The following FIGNL2 variants were observed in gnomAD, a reference collection of about 807,000 sequenced individuals.
The protein encoded by FIGNL2 is fidgetin like 2, also known as fidgetin-like protein 2.
For missense variants in FIGNL2, 1,060 were observed against 950.2 expected (o/e 1.12, Z -1.52); for synonymous variants, 565 against 484.0 (o/e 1.17, Z -2.20).
chr12:51,847,179 G>T (rs1440379183), intron 1 of FIGNL2: 1 of 985,292 alleles, frequency 1.0e-6, no homozygotes, highest in South Asian at 4.7e-5. Context: ...GGCTCGGGGA[G>T]GCTTTAGGAG....
At chr12:51,839,849 C>G (rs557731179) in intron 1 of FIGNL2, among the ~76,000 whole-genome samples, 12 of 152,318 alleles carry the variant, frequency 7.9e-5, no homozygotes, top group Middle Eastern at 6.8e-3. Context: ...TTCTGCAGCT[C>G]TCTCTCTACC....
intron 1 of FIGNL2, chr12:51,825,941 C>T (rs1042906048): frequency 2.0e-5 from 3 of 152,188 alleles, no homozygotes; most frequent in African/African-American, 7.2e-5. Context: ...ACCACCTGAT[C>T]TCTACTCTCA....
chr12:51,821,384 G>T lies in FIGNL2; in HGVS notation c.1030C>A (p.Pro344Thr). The change falls in exon 2 of 2, where the codon CCC (proline) becomes ACC (threonine). Residue 344 changes from proline to threonine, a missense_variant. By Grantham distance (38) the Pro-to-Thr change is conservative. Transcript: ENST00000618634. ...GSPVYGPQLE[P>T]FEKFPERAPA... ...GCCCGCTCCGGGAACTTTTCAAAGGGCTCCAGTTGCGGGCCGTAGACGGGG... is the reference window on the plus strand; with the variant it reads ...GCCCGCTCCGGGAACTTTTCAAAGGTCTCCAGTTGCGGGCCGTAGACGGGG... 6.6e-7 allele frequency: 1 copy of T among 1,516,790 alleles called. No individual in the cohort carries two copies. 94.0% of individuals were successfully genotyped at this position (1,516,790 alleles called of 1,614,324 possible).
chr12:51,844,875 T>C (rs1388965796), intron 1 of FIGNL2: 2 of 985,206 alleles, frequency 2.0e-6, no homozygotes, highest in Non-Finnish European at 2.4e-6. Flanking sequence ...GGTCGCTTGG[T>C]TCTGGCGGTC....
Position 51,821,525 on chromosome 12 carries a change from G to C in FIGNL2, c.889C>G (p.Pro297Ala), listed in dbSNP as rs1445901718. The change falls in exon 2 of 2, where the codon CCC becomes GCC. Residue 297 changes from proline to alanine, a missense_variant. Coordinates refer to ENST00000618634, the MANE Select transcript of FIGNL2 (RefSeq NM_001384995.1). The stretch of plus-strand genomic sequence containing the variant: ...CGACATTCGCCGTTGTCCGCGGCGG[G>C]GTAGGAGGCTCCGTCAGCCACGGGG... ...KAPVADGASYPAADNGECRGN... is the reference protein window; with the variant it reads ...KAPVADGASYAAADNGECRGN... 2 of 1,566,844 alleles carry C rather than the reference G, an allele frequency of 1.3e-6. No homozygotes were observed. The highest frequency in any genetic ancestry group is 3.5e-5 in the Admixed American group (2 of 57,428).
At chr12:51,833,054 G>GT (rs987036437) in intron 1 of FIGNL2, among the ~76,000 whole-genome samples, 1 of 151,656 alleles carries the variant, frequency 6.6e-6, no homozygotes, top group African/African-American at 2.4e-5. Flanking sequence ...TCTTTTTTTT[G>GT]TTTTGTTTTT....
intron 1 of FIGNL2, among the ~76,000 whole-genome samples, chr12:51,833,373 C>A (rs78955549): frequency 1.3e-5 from 2 of 152,168 alleles, no homozygotes; most frequent in Non-Finnish European, 2.9e-5. Flanking sequence ...CTCACCTCCC[C>A]CTTTCTACAT....
At chr12:51,834,097 G>A (rs58809329) in intron 1 of FIGNL2, among the ~76,000 whole-genome samples, 11 of 88,062 alleles carry the variant, frequency 1.2e-4, no homozygotes, top group Non-Finnish European at 1.6e-4. Context: ...AGACGGATGG[G>A]TGGATGGATG....
chr12:51,836,381 A>G (rs1473583406), intron 1 of FIGNL2, among the ~76,000 whole-genome samples: 1 of 146,982 alleles, frequency 6.8e-6, no homozygotes, highest in Non-Finnish European at 1.5e-5. Flanking sequence ...CCTCATCCTC[A>G]TCCAATCCCA....
chr12:51,822,558 C>G (rs1431979378), intron 1 of FIGNL2, 134 bp from the exon 2 acceptor site: 10 of 953,114 alleles, frequency 1.0e-5, no homozygotes, highest in Non-Finnish European at 1.6e-5. Context: ...CCTACCGCCC[C>G]ACTCTCTTGG....
intron 1 of FIGNL2, among the ~76,000 whole-genome samples, chr12:51,827,912 G>T (rs1397121456): frequency 6.6e-6 from 1 of 152,216 alleles, no homozygotes; most frequent in African/African-American, 2.4e-5. Flanking sequence ...GGAGACTGAG[G>T]TACAGAGATT....
intron 1 of FIGNL2, among the ~76,000 whole-genome samples, chr12:51,835,109 T>C (rs1939558007): frequency 6.6e-6 from 1 of 152,068 alleles, no homozygotes; most frequent in Admixed American, 6.6e-5. Context: ...ATCTCCAGGG[T>C]CAGGCTCTCA....
rs201509645 is a variant in FIGNL2, at chr12:51,825,432, AC to A, written c.-11-3009del. On this transcript the variant is annotated intron_variant, in intron 1 of 1. Transcript: ENST00000618634. ...TTCAGCAATCCTTACTGAAACCTCC[AC>A]CCGCCAACGAAGATCCTCTGGCCCT... 4.2e-3 allele frequency among the ~76,000 whole-genome samples: 631 copies of A among 151,802 alleles called. 5 individuals carry two copies. The highest frequency in any genetic ancestry group is 0.015 in the African/African-American group (605 of 41,374).
chr12:51,820,105 C>T lies in FIGNL2; in HGVS notation c.*347G>A, dbSNP rs371854713. ...AGAGAGTGAGGGAGAAGGAGGGTGC[C>T]ATTCAGATAGCGAGGAGACAAAAGC... On this transcript the variant is annotated 3_prime_UTR_variant, in exon 2 of 2. Transcript: ENST00000618634. The T allele has an allele frequency of 7.5e-4, 231 of 308,070 alleles. 2 individuals are homozygous for T. The Admixed American group carries it at 0.012, about 16-fold the overall frequency. The allele number at this position is 308,070 out of a possible 1,614,324, so 19.1% of individuals were successfully genotyped here. A position where few individuals can be genotyped will look rare whatever the true frequency, so the allele number is the denominator to read the frequency against.
At chr12:51,828,685 C>T (rs1226960213) in intron 1 of FIGNL2, among the ~76,000 whole-genome samples, 1 of 152,182 alleles carries the variant, frequency 6.6e-6, no homozygotes, top group Non-Finnish European at 1.5e-5. Context: ...ACAGGCTCTC[C>T]ATGCACAGGG....
At position 51,820,213 on chromosome 12, in the gene FIGNL2, G is replaced by C; in HGVS notation, c.*239C>G. The C allele has an allele frequency of 1.9e-6, 1 of 533,764 alleles. No homozygotes were observed. Among genetic ancestry groups the C allele is most frequent in the Non-Finnish European group, 3.2e-6 (1 of 310,570 alleles). 33.1% of individuals were successfully genotyped at this position (533,764 alleles called of 1,614,324 possible). A position where few individuals can be genotyped will look rare whatever the true frequency, so the allele number is the denominator to read the frequency against. ...GCCCGGTCTGCCGGGCGGAGATGGC[G>C]AGCTTCCAGTCCACAATAAATAGGA... On this transcript the variant is annotated 3_prime_UTR_variant, in exon 2 of 2. Coordinates refer to ENST00000618634, the MANE Select transcript of FIGNL2 (RefSeq NM_001384995.1).
At position 51,818,382 on chromosome 12, in the gene FIGNL2, ACCC is replaced by A. The variant is rs1939090312; in HGVS notation, c.*2067_*2069del. 1 of 62,102 alleles carries A rather than the reference ACCC, an allele frequency of 1.6e-5. No homozygotes were observed. Among genetic ancestry groups the A allele is most frequent in the South Asian group, 5.5e-4 (1 of 1,814 alleles). The allele number at this position is 62,102 out of a possible 1,614,324, so 3.8% of individuals were successfully genotyped here. On this transcript the variant is annotated 3_prime_UTR_variant, in exon 2 of 2. Transcript: ENST00000618634. Reference sequence around the variant, plus strand: ...TCCCTGACACCCTCCACCCACCCCCACCCCCCAATACATACACACCTGAGAGAG... The same window carrying A: ...TCCCTGACACCCTCCACCCACCCCCACCCAATACATACACACCTGAGAGAG...
chr12:51,846,470 A>G (rs1048440869), intron 1 of FIGNL2, among the ~76,000 whole-genome samples: 7 of 152,328 alleles, frequency 4.6e-5, no homozygotes, highest in African/African-American at 9.6e-5. Context: ...CGGCCCAGGC[A>G]GGGCAGGGAG....
rs754892409 is a variant in FIGNL2 at position 51,820,732 on chromosome 12, G to A, written c.1682C>T (p.Pro561Leu). 2.8e-5 allele frequency: 42 copies of A among 1,482,132 alleles called. No individual in the cohort carries two copies. The highest frequency in any genetic ancestry group is 5.8e-5 in the East Asian group (2 of 34,558). The allele number at this position is 1,482,132 out of a possible 1,614,324, so 91.8% of individuals were successfully genotyped here. The stretch of plus-strand genomic sequence containing the variant: ...CCGCTGCAGGATCTGCCCGCGGGCC[G>A]GGCTGTCGGGCAGCGCCACGTAGAA... ...LRFYVALPDS[P>L]ARGQILQRAL... The change falls in exon 2 of 2, where the codon CCG becomes CTG. Residue 561 changes from proline (P) to leucine (L), a missense_variant. Physicochemically the swap from Pro to Leu is moderately conservative, Grantham distance 98. Coordinates refer to ENST00000618634, the MANE Select transcript of FIGNL2 (RefSeq NM_001384995.1).
Sources: gnomAD v4.1 joint callset for allele counts (sites outside exome capture counted in the v4.1 genomes callset) on GRCh38, gnomAD v4.1.1 for gene constraint, MANE v1.5 for transcripts, NCBI Gene and HGNC (gene_info 2026-07-23, HGNC 2026-07-21) for gene names.